Variants in FTO observed in about 807,000 individuals in gnomAD.
The protein encoded by FTO is FTO alpha-ketoglutarate dependent dioxygenase, also known as alpha-ketoglutarate-dependent dioxygenase FTO.
In FTO, 47 loss-of-function variants were observed where a neutral mutation model predicts 63.9. The observed-to-expected ratio is 0.74, with a 90% CI of 0.58 to 0.94. The LOEUF (loss-of-function observed/expected upper bound fraction) is 0.94. Ranked by LOEUF, FTO falls within the 40% of genes least tolerant of loss-of-function variation. The pLI, the probability that FTO is intolerant of heterozygous loss-of-function variation, is 0.00. For synonymous variants in FTO, 207 were observed against 224.4 expected, an observed-to-expected ratio of 0.92 and a Z score of 0.69; for missense variants, 562 against 618.1, an observed-to-expected ratio of 0.91 and a Z score of 0.96.
chr16:53,995,065 T>C (rs2083904037), intron 8 of FTO, among the ~76,000 whole-genome samples: 1 of 152,236 alleles, frequency 6.6e-6, no homozygotes, highest in Non-Finnish European at 1.5e-5. Flanking sequence ...AAACAGCCTG[T>C]ACTGCTGTAT....
At chr16:54,090,585 C>T (rs765724625) in intron 8 of FTO, among the ~76,000 whole-genome samples, 1 of 152,104 alleles carries the variant, frequency 6.6e-6, no homozygotes, top group Non-Finnish European at 1.5e-5. Flanking sequence ...GAACCATATA[C>T]AGAATTAAAG....
chr16:54,005,203 A>G (rs1263413418), intron 8 of FTO, among the ~76,000 whole-genome samples: 1 of 148,090 alleles, frequency 6.8e-6, no homozygotes, highest in African/African-American at 2.5e-5. Context: ...TTTCTATCCC[A>G]TTTTTCTAGT....
intron 8 of FTO, among the ~76,000 whole-genome samples, chr16:54,108,595 T>C (rs187166076): frequency 3.9e-5 from 6 of 152,296 alleles, no homozygotes; most frequent in Admixed American, 3.9e-4. Flanking sequence ...AACTCTCTCA[T>C]TGGCATTTCT....
At chr16:53,867,907 G>A (rs1005249492) in intron 4 of FTO, among the ~76,000 whole-genome samples, 1 of 151,950 alleles carries the variant, frequency 6.6e-6, no homozygotes, top group Non-Finnish European at 1.5e-5. Flanking sequence ...TATATCTTCT[G>A]GGAGAATTTA....
intron 1 of FTO, among the ~76,000 whole-genome samples, chr16:53,739,076 C>T (rs112307514): frequency 4.6e-5 from 7 of 152,330 alleles, no homozygotes; most frequent in African/African-American, 1.4e-4. Flanking sequence ...ATCCTCCAGC[C>T]TCGGCTGCCC....
At chr16:53,893,525 G>C (rs1427380863) in intron 7 of FTO, among the ~76,000 whole-genome samples, 1 of 152,048 alleles carries the variant, frequency 6.6e-6, no homozygotes, top group Non-Finnish European at 1.5e-5. Flanking sequence ...CTCAGGGTCT[G>C]GTATCGCTCT....
At chr16:53,903,301 C>T (rs964931185) in intron 7 of FTO, among the ~76,000 whole-genome samples, 14 of 151,258 alleles carry the variant, frequency 9.3e-5, no homozygotes, top group Non-Finnish European at 1.5e-4. Flanking sequence ...CTCTGTTGCC[C>T]AGGCTGGAGT....
At chr16:53,921,728 A>G (rs951991210) in intron 7 of FTO, among the ~76,000 whole-genome samples, 3 of 152,326 alleles carry the variant, frequency 2.0e-5, no homozygotes, top group East Asian at 3.9e-4. Context: ...AGATTCAGGT[A>G]GTATTGCTAT....
intron 1 of FTO, among the ~76,000 whole-genome samples, chr16:53,809,291 T>C (rs1202085363): frequency 6.6e-6 from 1 of 152,188 alleles, no homozygotes; most frequent in Admixed American, 6.5e-5. Flanking sequence ...ATTGTAGAGA[T>C]GATAGATCAC....
chr16:53,941,938 C>T (rs577184823), intron 8 of FTO, among the ~76,000 whole-genome samples: 1 of 152,330 alleles, frequency 6.6e-6, no homozygotes, highest in African/African-American at 2.4e-5. Flanking sequence ...GACCTCATTG[C>T]CTGTTTACCA....
chr16:53,885,236 G>A (rs1448254633), intron 6 of FTO, among the ~76,000 whole-genome samples: 1 of 152,152 alleles, frequency 6.6e-6, no homozygotes, highest in Non-Finnish European at 1.5e-5. Flanking sequence ...CAAGCAGGTG[G>A]AGATTTTTTT....
At chr16:53,958,817 A>T (rs2082996532) in intron 8 of FTO, among the ~76,000 whole-genome samples, 1 of 152,156 alleles carries the variant, frequency 6.6e-6, no homozygotes, top group Admixed American at 6.5e-5. Context: ...TTCACCATGG[A>T]GCTCCAGGCA....
chr16:53,704,011 C>T (rs1369941185), upstream of FTO: 2 of 719,964 alleles, frequency 2.8e-6, no homozygotes, highest in African/African-American at 3.5e-5. Flanking sequence ...GTGCTAAATC[C>T]CGTGGCGCTC....
chr16:53,931,333 G>A (rs933905419), intron 7 of FTO, among the ~76,000 whole-genome samples: 3 of 131,392 alleles, frequency 2.3e-5, no homozygotes, highest in South Asian at 2.4e-4. Context: ...TAAGACAGAG[G>A]TTCACTCTTG....
At chr16:53,922,452 C>T (rs1434436547) in intron 7 of FTO, among the ~76,000 whole-genome samples, 3 of 152,070 alleles carry the variant, frequency 2.0e-5, no homozygotes, top group Admixed American at 1.3e-4. Flanking sequence ...ATAATTTCAA[C>T]ACCTAAAAAT....
chr16:53,719,580 T>G (rs2151484394), intron 1 of FTO, among the ~76,000 whole-genome samples: 1 of 151,886 alleles, frequency 6.6e-6, no homozygotes, highest in East Asian at 1.9e-4. Flanking sequence ...AAATTATAAC[T>G]TTGTACATTC....
At chr16:54,008,917 T>G (rs2084274916) in intron 8 of FTO, among the ~76,000 whole-genome samples, 1 of 151,412 alleles carries the variant, frequency 6.6e-6, no homozygotes, top group Non-Finnish European at 1.5e-5. Flanking sequence ...GAGGCTGAGG[T>G]AGGAGGTTTG....
chr16:54,039,622 A>T (rs2085025166), intron 8 of FTO: 1 of 152,220 alleles, frequency 6.6e-6, no homozygotes, highest in Non-Finnish European at 1.5e-5. Context: ...CCCCGCCCTC[A>T]TGAAGATTAC....
At chr16:53,990,498 T>A (rs2083782743) in intron 8 of FTO, among the ~76,000 whole-genome samples, 1 of 151,996 alleles carries the variant, frequency 6.6e-6, no homozygotes, top group Non-Finnish European at 1.5e-5. Context: ...GCAGGCCAAG[T>A]CTTCTGGTGC....
Sources: gnomAD v4.1 joint callset for allele counts (sites outside exome capture counted in the v4.1 genomes callset) on GRCh38, gnomAD v4.1.1 for gene constraint, MANE v1.5 for transcripts, NCBI Gene and HGNC (gene_info 2026-07-23, HGNC 2026-07-21) for gene names.